ELK4: variants seen among roughly 807,000 people sequenced by gnomAD.
The protein encoded by ELK4 is ETS domain-containing protein Elk-4.
ELK4 carries 16 observed loss-of-function variants against 29.6 expected under a neutral mutation model. The ratio of observed to expected loss-of-function variants is 0.54; its 90% CI spans 0.37 to 0.82. The LOEUF (loss-of-function observed/expected upper bound fraction) is 0.82, where lower values mean the gene tolerates loss of function less well. Ranked by LOEUF, ELK4 falls within the 40% of genes least tolerant of loss-of-function variation. The pLI is 0.00. For synonymous variants in ELK4, 213 were observed against 191.1 expected (o/e 1.11, Z -0.95); for missense variants, 465 against 507.1 (o/e 0.92, Z 0.80).
chr1:205,624,583 G>A (rs932485118), intron 1 of ELK4, among the ~76,000 whole-genome samples: 35 of 152,314 alleles, frequency 2.3e-4, no homozygotes, highest in African/African-American at 8.2e-4. Context: ...CAATCTTTAT[G>A]TGATTATCAA....
Position 205,610,428 on chromosome 1 carries a change from C to A in ELK4, c.*6118G>T, listed in dbSNP as rs1670134809. On this transcript the variant is annotated 3_prime_UTR_variant, in exon 5 of 5. Coordinates refer to ENST00000357992, the MANE Select transcript of ELK4 (RefSeq NM_001973.4). Reference sequence around the variant, plus strand: ...GTCGAATCTCTGTACTTTAGAAATACTGCTTCCAGTATAAACCTCCTCTTT... The same window carrying A: ...GTCGAATCTCTGTACTTTAGAAATAATGCTTCCAGTATAAACCTCCTCTTT... The A allele has an allele frequency of 4.3e-6, 1 of 230,398 alleles. No homozygotes were observed. Among genetic ancestry groups the A allele is most frequent in the Non-Finnish European group, 8.6e-6 (1 of 116,408 alleles). The allele number at this position is 230,398 out of a possible 1,614,324, so 14.3% of individuals were successfully genotyped here.
At chr1:205,618,831 T>TA in intron 4 of ELK4, 126 bp downstream of exon 4, 3 of 705,470 alleles carry the variant, frequency 4.3e-6, no homozygotes, top group Non-Finnish European at 4.5e-6. Flanking sequence ...CTCAAAAAAA[T>TA]AAAAAAAGAA....
At chr1:205,627,523 AAAG>A (rs1253433952) in intron 1 of ELK4, among the ~76,000 whole-genome samples, 4 of 152,048 alleles carry the variant, frequency 2.6e-5, no homozygotes, top group African/African-American at 9.7e-5. Context: ...AAAAAAAAGA[AAAG>A]AAAATATTAT....
At chr1:205,629,737 A>T (rs1204975023) in intron 1 of ELK4, among the ~76,000 whole-genome samples, 1 of 71,972 alleles carries the variant, frequency 1.4e-5, no homozygotes, top group Non-Finnish European at 3.0e-5. Flanking sequence ...TAAATAAAAT[A>T]AAAGCTAAAG....
chr1:205,617,512 T>C (rs1670250739), intron 4 of ELK4, among the ~76,000 whole-genome samples: 1 of 151,956 alleles, frequency 6.6e-6, no homozygotes, highest in South Asian at 2.1e-4. Flanking sequence ...TTTTTAAAAA[T>C]GTACATATAA....
chr1:205,622,382 A>ATG (rs1670368722), intron 2 of ELK4, among the ~76,000 whole-genome samples: 1 of 152,180 alleles, frequency 6.6e-6, no homozygotes, highest in Non-Finnish European at 1.5e-5. Context: ...ATGTAGATAT[A>ATG]TGTGTGTGTG....
At chr1:205,623,568 G>T in intron 2 of ELK4, 108 bp downstream of exon 2, 1 of 1,246,792 alleles carries the variant, frequency 8.0e-7, no homozygotes. Flanking sequence ...ACCCTCCTTG[G>T]CCTCCCAAAG....
chr1:205,621,131 G>C (rs1298428274), intron 2 of ELK4, among the ~76,000 whole-genome samples: 2 of 144,730 alleles, frequency 1.4e-5, no homozygotes, highest in Non-Finnish European at 3.0e-5. Flanking sequence ...GGAGGCGGAG[G>C]TTGCAGTGAG....
At chr1:205,623,650 T>A in intron 2 of ELK4, 26 bp downstream of exon 2, 5 of 1,611,186 alleles carry the variant, frequency 3.1e-6, no homozygotes, top group South Asian at 2.2e-5. Context: ...GTTCTCTGTA[T>A]AGTATAAGAT....
intron 1 of ELK4, chr1:205,626,279 G>A (rs1162419835): frequency 5.0e-6 from 2 of 402,336 alleles, no homozygotes; most frequent in Non-Finnish European, 9.6e-6. Context: ...TAATGTTTGA[G>A]GCTTTCTTTC....
In ELK4 at chr1:205,612,455, A is replaced by G. The variant is rs1201623694; in HGVS notation, c.*4091T>C. ...TGTATTTTTTTATAACACACATATT[A>G]CTTTGGTATAGCGGTATATAATTTA... On this transcript the variant is annotated 3_prime_UTR_variant, in exon 5 of 5. Coordinates refer to ENST00000357992, the MANE Select transcript of ELK4 (RefSeq NM_001973.4). 1 of 215,262 alleles carries G rather than the reference A, an allele frequency of 4.6e-6. No individual in the cohort carries two copies. The highest frequency in any genetic ancestry group is 7.0e-5 in the East Asian group (1 of 14,362). 13.3% of individuals were successfully genotyped at this position (215,262 alleles called of 1,614,324 possible).
rs559890186 is a variant in ELK4 at position 205,608,001 on chromosome 1, C to T, written c.*8545G>A. The T allele has an allele frequency of 2.3e-5, 4 of 177,288 alleles. No homozygotes were observed. In the South Asian group the frequency reaches 6.0e-4, roughly 26 times the overall value. The allele number at this position is 177,288 out of a possible 1,614,324, so 11.0% of individuals were successfully genotyped here. ...CAACTGCTGTCCATATCTAGTTGCA[C>T]ATATATCTATTAACATATATGTATA... On this transcript the variant is annotated 3_prime_UTR_variant, in exon 5 of 5. Coordinates refer to ENST00000357992, the MANE Select transcript of ELK4 (RefSeq NM_001973.4).
intron 4 of ELK4, among the ~76,000 whole-genome samples, chr1:205,617,623 C>T (rs1239116878): frequency 6.6e-6 from 1 of 151,750 alleles, no homozygotes; most frequent in East Asian, 1.9e-4. Flanking sequence ...ATGCTTGGGC[C>T]GCGTGCAGTG....
rs921107668 is a variant in ELK4 at position 205,610,743 on chromosome 1, T to C, written c.*5803A>G. 2.6e-5 allele frequency: 6 copies of C among 232,126 alleles called. No individual in the cohort carries two copies. The highest frequency in any genetic ancestry group is 3.4e-5 in the Non-Finnish European group (4 of 117,608). 14.4% of individuals were successfully genotyped at this position (232,126 alleles called of 1,614,324 possible). On this transcript the variant is annotated 3_prime_UTR_variant, in exon 5 of 5. Transcript: ENST00000357992. ...TATAAAATAGACTAGGAGCCATCAA[T>C]GTATGTTCCCTATGAAAACAGATTT...
At chr1:205,618,876 T>A in intron 4 of ELK4, 81 bp downstream of exon 4, 1 of 1,047,114 alleles carries the variant, frequency 9.6e-7, no homozygotes, top group Non-Finnish European at 1.4e-6. Flanking sequence ...ATGATTAAAC[T>A]GAATAGTGGG....
Position 205,614,380 on chromosome 1 carries a change from A to T in ELK4, c.*2166T>A, listed in dbSNP as rs1015881749. 2 of 226,590 alleles carry T rather than the reference A, an allele frequency of 8.8e-6. No homozygotes were observed. The highest frequency in any genetic ancestry group is 1.8e-5 in the Non-Finnish European group (2 of 114,102). 14.0% of individuals were successfully genotyped at this position (226,590 alleles called of 1,614,324 possible). ...TCAACCATCTATATCTACTTATTTA[A>T]TGTACAAAATGTTAACCTAATTAAA... is the stretch of plus-strand genomic sequence containing the variant. On this transcript the variant is annotated 3_prime_UTR_variant, in exon 5 of 5. Transcript: ENST00000357992.
chr1:205,631,991 TG>T lies in ELK4; in HGVS notation c.-370del, dbSNP rs1434259601. 6.6e-6 allele frequency: 1 copy of T among 151,822 alleles called. No individual in the cohort carries two copies. The highest frequency in any genetic ancestry group is 1.5e-5 in the Non-Finnish European group (1 of 67,926). 9.4% of individuals were successfully genotyped at this position (151,822 alleles called of 1,614,324 possible). On this transcript the variant is annotated 5_prime_UTR_variant, in exon 1 of 5. Transcript: ENST00000357992. ...CACTCTCAAACCCCCCGACTGCTCC[TG>T]GGTCCCTCCCAGACGCCGTAGTCGC... is the stretch of plus-strand genomic sequence containing the variant.
chr1:205,617,983 GTGAGAGAGAGAGAGAGCA>G (rs1670263729), intron 4 of ELK4, among the ~76,000 whole-genome samples: 1 of 133,960 alleles, frequency 7.5e-6, no homozygotes, highest in South Asian at 2.6e-4. Flanking sequence ...GTGTGTGTGT[GTGAGAGAGAGAGAGAGCA>G]AGAGAGAGAG....
At chr1:205,618,789 C>T (rs1238109115) in intron 4 of ELK4, among the ~76,000 whole-genome samples, 168 bp downstream of exon 4, 1 of 152,182 alleles carries the variant, frequency 6.6e-6, no homozygotes, top group Non-Finnish European at 1.5e-5. Context: ...TGCCACTGCA[C>T]TCCAGCCTGG....
Sources: allele counts gnomAD v4.1 joint callset (sites outside exome capture counted in the v4.1 genomes callset), GRCh38; gene constraint gnomAD v4.1.1; transcripts MANE v1.5; gene names NCBI Gene and HGNC (gene_info 2026-07-23, HGNC 2026-07-21).